Variants in UBR2 observed in about 807,000 individuals in gnomAD.
The protein encoded by UBR2 is E3 ubiquitin-protein ligase UBR2.
UBR2 carries 92 observed loss-of-function variants against 247.9 expected under a neutral mutation model. The observed-to-expected ratio is 0.37, with a 90% CI of 0.31 to 0.44. The LOEUF (loss-of-function observed/expected upper bound fraction) is 0.44, where lower values mean the gene tolerates loss of function less well. Ranked by LOEUF, UBR2 falls within the 20% of genes least tolerant of loss-of-function variation. UBR2 has a pLI of 1.00. For synonymous variants in UBR2, 672 were observed against 693.5 expected (o/e 0.97, Z 0.49); for missense variants, 1,613 against 2,112.6 (o/e 0.76, Z 4.64).
At chr6:42,681,212 C>T (rs1329910994) in intron 42 of UBR2, among the ~76,000 whole-genome samples, 1 of 145,948 alleles carries the variant, frequency 6.9e-6, no homozygotes, top group Non-Finnish European at 1.5e-5. Flanking sequence ...CATGGCGAAA[C>T]CCCATCTCTA....
intron 6 of UBR2, among the ~76,000 whole-genome samples, chr6:42,606,257 T>G (rs115168877): frequency 0.026 from 3,887 of 151,778 alleles, 153 homozygotes; most frequent in African/African-American, 0.086. Flanking sequence ...AAAAAAAAAA[T>G]TTCATTTGAA....
At chr6:42,686,739 G>A (rs1039016111) in intron 44 of UBR2, among the ~76,000 whole-genome samples, 3 of 150,976 alleles carry the variant, frequency 2.0e-5, no homozygotes, top group African/African-American at 7.3e-5. Flanking sequence ...GCAGCTGGCC[G>A]GGTAGGGGCT....
intron 13 of UBR2, among the ~76,000 whole-genome samples, chr6:42,633,917 G>A (rs1490375815): frequency 6.6e-6 from 1 of 151,400 alleles, no homozygotes; most frequent in African/African-American, 2.4e-5. Context: ...TTTTAGTAGA[G>A]ACGAGGTTTC....
intron 3 of UBR2, among the ~76,000 whole-genome samples, chr6:42,593,528 A>G (rs1792793586): frequency 6.6e-6 from 1 of 152,242 alleles, no homozygotes; most frequent in Non-Finnish European, 1.5e-5. Flanking sequence ...TAAGAAAAGC[A>G]GAATTTCTAG....
At chr6:42,610,224 T>C (rs960463130) in intron 7 of UBR2, among the ~76,000 whole-genome samples, 7 of 152,134 alleles carry the variant, frequency 4.6e-5, no homozygotes, top group African/African-American at 1.7e-4. Context: ...AAAACCTTTG[T>C]GCACTACTGG....
intron 11 of UBR2, among the ~76,000 whole-genome samples, chr6:42,630,740 A>G (rs1795660637): frequency 1.3e-5 from 2 of 152,154 alleles, no homozygotes; most frequent in Admixed American, 6.5e-5. Context: ...TTTAACATCT[A>G]TATTAGAATA....
At chr6:42,633,772 C>T (rs909096872) in intron 13 of UBR2, among the ~76,000 whole-genome samples, 1 of 151,828 alleles carries the variant, frequency 6.6e-6, no homozygotes, top group Non-Finnish European at 1.5e-5. Context: ...ACTCTGTTGC[C>T]CAGGCTGGAG....
intron 2 of UBR2, among the ~76,000 whole-genome samples, chr6:42,588,761 GA>G (rs1792461868): frequency 5.3e-5 from 8 of 152,284 alleles, no homozygotes; most frequent in Admixed American, 5.2e-4. Context: ...GGGTGAGTCT[GA>G]AAGCTCCAGC....
At chr6:42,639,521 C>T (rs1417101595) in intron 15 of UBR2, among the ~76,000 whole-genome samples, 1 of 152,162 alleles carries the variant, frequency 6.6e-6, no homozygotes, top group Non-Finnish European at 1.5e-5. Context: ...TCGCTTGAAC[C>T]TGGGAGGCAG....
intron 36 of UBR2, among the ~76,000 whole-genome samples, chr6:42,673,447 G>T (rs1017476724): frequency 1.3e-5 from 2 of 152,130 alleles, no homozygotes; most frequent in Non-Finnish European, 1.5e-5. Context: ...TCAGCCTCTC[G>T]AGTAGCTGGG....
chr6:42,587,095 C>T (rs967727179), intron 2 of UBR2, among the ~76,000 whole-genome samples: 2 of 152,130 alleles, frequency 1.3e-5, no homozygotes, highest in African/African-American at 4.8e-5. Context: ...GCTGGAATTA[C>T]AGGCATGAGC....
intron 31 of UBR2, among the ~76,000 whole-genome samples, chr6:42,662,838 G>A (rs1055480280): frequency 3.9e-5 from 6 of 152,086 alleles, no homozygotes; most frequent in African/African-American, 1.4e-4. Context: ...GGGAGGCTGA[G>A]ACAGGAGAAT....
At chr6:42,678,417 A>G (rs999788999) in intron 40 of UBR2, 122 bp from the exon 41 acceptor site, 51 of 1,067,902 alleles carry the variant, frequency 4.8e-5, no homozygotes, top group Non-Finnish European at 6.5e-5. Context: ...CTTGCCTGTT[A>G]ACTCACAACT....
intron 16 of UBR2, 45 bp from the exon 17 acceptor site, chr6:42,641,533 ATGTG>A: frequency 7.1e-7 from 1 of 1,408,446 alleles, no homozygotes; most frequent in Non-Finnish European, 9.8e-7. Context: ...AACTGATTTT[ATGTG>A]TGTGTTTTTT....
intron 44 of UBR2, among the ~76,000 whole-genome samples, chr6:42,687,528 T>TTTTATTTATTTATTTATTTA (rs36075254): frequency 3.4e-5 from 5 of 149,130 alleles, no homozygotes; most frequent in Non-Finnish European, 7.4e-5. Flanking sequence ...TTGTATTTTA[T>TTTTATTTATTTATTTATTTA]TTTATTTATT....
At chr6:42,607,072 A>G (rs927001832) in intron 7 of UBR2, among the ~76,000 whole-genome samples, 2 of 152,116 alleles carry the variant, frequency 1.3e-5, no homozygotes, top group Admixed American at 1.3e-4. Flanking sequence ...AAAAGCACAA[A>G]CTATTCTCCA....
At chr6:42,621,011 C>T (rs1468866715) in intron 11 of UBR2, among the ~76,000 whole-genome samples, 2 of 151,494 alleles carry the variant, frequency 1.3e-5, no homozygotes, top group East Asian at 1.9e-4. Context: ...TTAGTAGAGA[C>T]GGGGTTTCAC....
chr6:42,597,241 A>G lies in UBR2; in HGVS notation c.531+2937A>G, dbSNP rs908785862. 3.9e-5 allele frequency among the ~76,000 whole-genome samples: 6 copies of G among 152,134 alleles called. No individual in the cohort carries two copies. In the East Asian group the frequency reaches 7.7e-4, roughly 20 times the overall value. The stretch of plus-strand genomic sequence containing the variant: ...TCATACAATCCTGCCTGGAGAATGT[A>G]TACTCCTGGAACTAGACAAAGAATA... On this transcript the variant is annotated intron_variant, in intron 4 of 46. Transcript: ENST00000372901.
Position 42,645,532 on chromosome 6 carries a change from A to T in UBR2, c.2351A>T (p.His784Leu). 6.2e-7 allele frequency: 1 copy of T among 1,613,820 alleles called. No homozygotes were observed. The highest frequency in any genetic ancestry group is 1.1e-5 in the South Asian group (1 of 91,086). ...GATGAAATCAAGCGAGAGATTATCC[A>T]TCAGTTGAGTATCAAGCCTATGGCT... Reference protein sequence around the residue: ...ATDEIKREIIHQLSIKPMAHS... With the variant: ...ATDEIKREIILQLSIKPMAHS... Residue 784 changes from histidine (H) to leucine (L), a missense_variant, in exon 21 of 47, where the codon CAT (histidine) becomes CTT (leucine). Coordinates refer to ENST00000372901, the MANE Select transcript of UBR2 (RefSeq NM_001363705.2).
Sources: gnomAD v4.1 joint callset for allele counts (sites outside exome capture counted in the v4.1 genomes callset) on GRCh38, gnomAD v4.1.1 for gene constraint, MANE v1.5 for transcripts, NCBI Gene and HGNC (gene_info 2026-07-23, HGNC 2026-07-21) for gene names.